POTEE: variants seen among roughly 807,000 people sequenced by gnomAD.
POTEE encodes the protein POTE ankyrin domain family member E, also known as ANKRD26-like family C member 1A.
Under a neutral mutation model 74.2 loss-of-function variants are expected in POTEE, and 21 were observed. The ratio of observed to expected loss-of-function variants is 0.28; its 90% CI spans 0.20 to 0.41. The LOEUF (loss-of-function observed/expected upper bound fraction) is 0.41, where lower values mean the gene tolerates loss of function less well. Ranked by LOEUF, POTEE falls within the 10% of genes least tolerant of loss-of-function variation. The pLI, the probability that POTEE is intolerant of heterozygous loss-of-function variation, is 1.00. For missense variants in POTEE, 525 were observed against 1,158.6 expected, an observed-to-expected ratio of 0.45 and a Z score of 7.94; for synonymous variants, 211 against 432.8, an observed-to-expected ratio of 0.49 and a Z score of 6.36.
chr2:131,221,059 G>T (rs1162605394), intron 4 of POTEE, among the ~76,000 whole-genome samples: 1 of 151,768 alleles, frequency 6.6e-6, no homozygotes, highest in Non-Finnish European at 1.5e-5. Context: ...GTCATTTAAA[G>T]TTTAAATTGC....
intron 2 of POTEE, among the ~76,000 whole-genome samples, 160 bp downstream of exon 2, chr2:131,211,343 G>A (rs1374795249): frequency 1.3e-5 from 2 of 151,476 alleles, no homozygotes; most frequent in African/African-American, 4.9e-5. Context: ...GGCCCAGTCC[G>A]ACCTGGGGTG....
chr2:131,233,047 A>C (rs575657327), intron 9 of POTEE, among the ~76,000 whole-genome samples: 1,613 of 152,164 alleles, frequency 0.011, 24 homozygotes, highest in South Asian at 0.023. Flanking sequence ...GATAATAAAT[A>C]TCCCAATAGA....
intron 17 of POTEE, among the ~76,000 whole-genome samples, chr2:131,262,861 T>G (rs1169459309): frequency 5.3e-5 from 8 of 152,284 alleles, no homozygotes; most frequent in African/African-American, 1.9e-4. Context: ...CGTTCTTCAG[T>G]AAAAGAAACT....
At chr2:131,216,270 T>C (rs1700439770) in intron 2 of POTEE, among the ~76,000 whole-genome samples, 1 of 152,078 alleles carries the variant, frequency 6.6e-6, no homozygotes, top group Non-Finnish European at 1.5e-5. Flanking sequence ...ACTCAAAGCA[T>C]TCTACAGATT....
At chr2:131,238,043 A>G (rs1200392194) in intron 10 of POTEE, 151 bp from the exon 11 acceptor site, 105 of 400,218 alleles carry the variant, frequency 2.6e-4, no homozygotes, top group Non-Finnish European at 1.1e-4. Context: ...TATTTATTTA[A>G]CAGTTAAATT....
rs767281355 is a variant in POTEE, at chr2:131,263,480, A to G, written c.2025A>G (p.Lys675=). Residue 675 remains lysine (K), a synonymous_variant, in exon 18 of 18, where the codon AAA becomes AAG. Transcript: ENST00000683005. ...MKHQSQLREK[K]YLEDIESVKK... Reference sequence around the variant, plus strand: ...ATCAGAGCCAGCTAAGAGAAAAGAAATATTTGGAGGATATTGAAAGTGTGA... The same window carrying G: ...ATCAGAGCCAGCTAAGAGAAAAGAAGTATTTGGAGGATATTGAAAGTGTGA... The G allele has an allele frequency of 6.2e-7, 1 of 1,612,026 alleles. No individual in the cohort carries two copies. The highest frequency in any genetic ancestry group is 8.5e-7 in the Non-Finnish European group (1 of 1,179,770).
In POTEE at chr2:131,217,643, C is replaced by G. The variant is rs910141787; in HGVS notation, c.-134C>G. Among the ~76,000 whole-genome samples, 5 of 147,982 alleles carry G rather than the reference C, an allele frequency of 3.4e-5. No homozygotes were observed. Among genetic ancestry groups the G allele is most frequent in the Non-Finnish European group, 7.5e-5 (5 of 66,420 alleles). On this transcript the variant is annotated 5_prime_UTR_variant, in exon 3 of 18. Transcript: ENST00000683005. ...GACTCCCACGAAGTTTGCCGGAACT[C>G]AAGGCTGTCAGTGACATTCGTGGCG...
intron 16 of POTEE, among the ~76,000 whole-genome samples, chr2:131,258,468 CTCTT>C (rs541660738): frequency 0.024 from 3,081 of 130,124 alleles, 10 homozygotes; most frequent in African/African-American, 0.083. Flanking sequence ...AGATTTTAGT[CTCTT>C]TGTCAGTTCA....
At chr2:131,244,988 TA>T (rs1223126873) in intron 12 of POTEE, among the ~76,000 whole-genome samples, 5 of 53,330 alleles carry the variant, frequency 9.4e-5, no homozygotes, top group Admixed American at 2.5e-4. Context: ...TTTGAGCATT[TA>T]AAAAAATGTT....
At chr2:131,223,116 G>A (rs1284699986) in intron 4 of POTEE, among the ~76,000 whole-genome samples, 1 of 151,500 alleles carries the variant, frequency 6.6e-6, no homozygotes, top group Non-Finnish European at 1.5e-5. Flanking sequence ...AGGTATAATT[G>A]TATCATCTCA....
chr2:131,226,972 A>G (rs773905604), intron 7 of POTEE, 43 bp downstream of exon 7: 3 of 1,605,480 alleles, frequency 1.9e-6, no homozygotes, highest in East Asian at 2.2e-5. Flanking sequence ...GATGGACAGC[A>G]GTCACTCAAG....
Position 131,263,588 on chromosome 2 carries a change from C to G in POTEE, c.2133C>G (p.Asp711Glu), listed in dbSNP as rs772893062. Residue 711 changes from aspartate to glutamate, a missense_variant, in exon 18 of 18, where the codon GAC (aspartate) becomes GAG (glutamate). Coordinates refer to ENST00000683005, the MANE Select transcript of POTEE (RefSeq NM_001083538.3). ...ATGATACCGCCGTGCTCGTCATTGACAACGGCTCTGGCATGTGCAAGGCCG... is the reference window on the plus strand; with the variant it reads ...ATGATACCGCCGTGCTCGTCATTGAGAACGGCTCTGGCATGTGCAAGGCCG... ...MDDDTAVLVI[D>E]NGSGMCKAGF... The G allele has an allele frequency of 1.7e-5, 28 of 1,602,582 alleles. No homozygotes were observed. The East Asian group carries it at 6.3e-4, about 36-fold the overall frequency.
chr2:131,233,518 G>T (rs1020210547), intron 9 of POTEE, among the ~76,000 whole-genome samples: 4 of 151,142 alleles, frequency 2.6e-5, no homozygotes, highest in Admixed American at 6.6e-5. Flanking sequence ...CCTTGGAGTA[G>T]CATCAATGTA....
At chr2:131,262,761 A>AG (rs1486399961) in intron 17 of POTEE, among the ~76,000 whole-genome samples, 7 of 152,286 alleles carry the variant, frequency 4.6e-5, no homozygotes, top group African/African-American at 1.7e-4. Flanking sequence ...ACAGTGTAGA[A>AG]GGGTACAGTG....
Position 131,217,836 on chromosome 2 carries a change from C to A in POTEE, c.-94+153C>A, listed in dbSNP as rs113623321. On this transcript the variant is annotated intron_variant, in intron 3 of 17. Transcript: ENST00000683005. Reference sequence around the variant, plus strand: ...GCTTGTAACGGCTTGCACGCGCACGCCGCACGCGCATAACGGTTTGGCCGG... The same window carrying A: ...GCTTGTAACGGCTTGCACGCGCACGACGCACGCGCATAACGGTTTGGCCGG... Among the ~76,000 whole-genome samples, 880 of 146,296 alleles carry A rather than the reference C, an allele frequency of 6.0e-3. 14 individuals are homozygous for A. The highest frequency in any genetic ancestry group is 0.02 in the African/African-American group (752 of 37,380).
intron 2 of POTEE, among the ~76,000 whole-genome samples, chr2:131,216,849 G>A (rs949024321): frequency 6.6e-6 from 1 of 151,516 alleles, no homozygotes; most frequent in African/African-American, 2.4e-5. Context: ...TCCAGAATAG[G>A]CAAATCCTTC....
At position 131,263,854 on chromosome 2, in the gene POTEE, A is replaced by G. The variant is rs1701807167; in HGVS notation, c.2399A>G (p.Glu800Gly). Residue 800 changes from glutamate (E) to glycine (G), a missense_variant, in exon 18 of 18, where the codon GAG becomes GGG. Coordinates refer to ENST00000683005, the MANE Select transcript of POTEE (RefSeq NM_001083538.3). The part of the protein sequence containing the change: ...FYNELRVAPE[E>G]HPILLTEAPL... The stretch of plus-strand genomic sequence containing the variant: ...AACGAGCTGCGTGTGGCTCCCGAGG[A>G]GCACCCCATCCTGCTGACCGAGGCC... The G allele has an allele frequency of 6.2e-7, 1 of 1,614,134 alleles. No homozygotes were observed. The highest frequency in any genetic ancestry group is 2.2e-5 in the East Asian group (1 of 44,870).
At chr2:131,212,964 AT>A (rs57978458) in intron 2 of POTEE, among the ~76,000 whole-genome samples, 3,356 of 138,540 alleles carry the variant, frequency 0.024, 60 homozygotes, top group Middle Eastern at 0.04. Flanking sequence ...ATTGTGTGTA[AT>A]TTTTTTTTTT....
chr2:131,230,769 C>A, intron 8 of POTEE, 67 bp from the exon 9 acceptor site: 8 of 1,558,214 alleles, frequency 5.1e-6, no homozygotes, highest in Non-Finnish European at 6.1e-6. Flanking sequence ...AATAATTCTA[C>A]ATTTGGTAAG....
Sources: allele counts gnomAD v4.1 joint callset (sites outside exome capture counted in the v4.1 genomes callset), GRCh38; gene constraint gnomAD v4.1.1; transcripts MANE v1.5; gene names NCBI Gene and HGNC (gene_info 2026-07-23, HGNC 2026-07-21).